ATP6V0A4: variants seen among roughly 807,000 people sequenced by gnomAD.
ATP6V0A4 encodes the protein ATPase H+ transporting V0 subunit a4.
A neutral mutation model predicts 107.3 loss-of-function variants in ATP6V0A4; 86 were observed. The ratio of observed to expected loss-of-function variants is 0.80; its 90% CI spans 0.67 to 0.96. The LOEUF is 0.96. Ranked by LOEUF, ATP6V0A4 falls within the 40% of genes least tolerant of loss-of-function variation. ATP6V0A4 has a pLI of 0.00. For synonymous variants in ATP6V0A4, 353 were observed against 381.4 expected, an observed-to-expected ratio of 0.93 and a Z score of 0.87; for missense variants, 908 against 1,045.6, an observed-to-expected ratio of 0.87 and a Z score of 1.81.
At chr7:138,782,840 C>T (rs532075618) in intron 2 of ATP6V0A4, among the ~76,000 whole-genome samples, 1 of 152,102 alleles carries the variant, frequency 6.6e-6, no homozygotes, top group African/African-American at 2.4e-5. Flanking sequence ...TTTGGGAGGC[C>T]GAGGCAGTTG....
chr7:138,750,425 T>G (rs559955435), intron 11 of ATP6V0A4, among the ~76,000 whole-genome samples: 10 of 152,078 alleles, frequency 6.6e-5, no homozygotes, highest in Admixed American at 2.6e-4. Context: ...AGGCTGGTCT[T>G]GAACTCCTAG....
At chr7:138,732,256 C>T (rs1805058033) in intron 17 of ATP6V0A4, among the ~76,000 whole-genome samples, 1 of 152,232 alleles carries the variant, frequency 6.6e-6, no homozygotes, top group East Asian at 1.9e-4. Context: ...CAGCTGCAAG[C>T]CTAACAATTT....
chr7:138,746,526 T>C (rs776686256), intron 13 of ATP6V0A4, among the ~76,000 whole-genome samples: 4 of 151,556 alleles, frequency 2.6e-5, no homozygotes, highest in Non-Finnish European at 4.4e-5. Context: ...TTTTTTAAGA[T>C]GGAGTCCCTC....
At chr7:138,772,147 G>A (rs1200639048) in intron 2 of ATP6V0A4, among the ~76,000 whole-genome samples, 2 of 152,124 alleles carry the variant, frequency 1.3e-5, no homozygotes, top group Non-Finnish European at 2.9e-5. Flanking sequence ...CAACGTTAAC[G>A]TGTAAATTCT....
chr7:138,769,096 T>G, intron 4 of ATP6V0A4, 77 bp downstream of exon 4: 1 of 1,599,604 alleles, frequency 6.3e-7, no homozygotes, highest in Non-Finnish European at 8.5e-7. Flanking sequence ...CATTTGTTCA[T>G]TAAGTCCTGC....
chr7:138,729,652 C>A (rs1400958100), intron 17 of ATP6V0A4, among the ~76,000 whole-genome samples: 1 of 152,198 alleles, frequency 6.6e-6, no homozygotes, highest in Non-Finnish European at 1.5e-5. Flanking sequence ...TGACTCATAG[C>A]TGCTATGGTC....
intron 18 of ATP6V0A4, among the ~76,000 whole-genome samples, chr7:138,726,526 G>A (rs1008001842): frequency 6.6e-6 from 1 of 152,218 alleles, no homozygotes; most frequent in African/African-American, 2.4e-5. Context: ...CATTCTGCAG[G>A]GACCCAGGTT....
At chr7:138,775,355 A>G (rs900434879) in intron 2 of ATP6V0A4, among the ~76,000 whole-genome samples, 1 of 152,174 alleles carries the variant, frequency 6.6e-6, no homozygotes, top group Admixed American at 6.5e-5. Context: ...TCTAAAAGAT[A>G]AGGATTCTTT....
chr7:138,781,873 T>G (rs1268475182), intron 2 of ATP6V0A4, among the ~76,000 whole-genome samples: 1 of 146,990 alleles, frequency 6.8e-6, no homozygotes, highest in East Asian at 2.0e-4. Flanking sequence ...AGTTTGGGTC[T>G]CACAGTGTTG....
At chr7:138,780,806 G>A (rs1278666257) in intron 2 of ATP6V0A4, among the ~76,000 whole-genome samples, 2 of 152,018 alleles carry the variant, frequency 1.3e-5, no homozygotes, top group Non-Finnish European at 2.9e-5. Context: ...CTTGAAAGCT[G>A]AGGTGAGAGG....
chr7:138,792,883 A>C (rs1808492123), intron 1 of ATP6V0A4, among the ~76,000 whole-genome samples: 1 of 151,598 alleles, frequency 6.6e-6, no homozygotes, highest in East Asian at 1.9e-4. Flanking sequence ...AGGGTTTTAG[A>C]AAAGTTGAAA....
chr7:138,777,336 CG>C (rs1294658771), intron 2 of ATP6V0A4, among the ~76,000 whole-genome samples: 3 of 150,914 alleles, frequency 2.0e-5, no homozygotes, highest in Non-Finnish European at 3.0e-5. Flanking sequence ...ATATTATGGC[CG>C]GGCGCGGTGG....
intron 11 of ATP6V0A4, among the ~76,000 whole-genome samples, chr7:138,751,829 G>C (rs1427735729): frequency 1.3e-5 from 2 of 152,072 alleles, no homozygotes; most frequent in African/African-American, 2.4e-5. Context: ...TGAGGTAACA[G>C]GTGGTATCTA....
At position 138,749,242 on chromosome 7, in the gene ATP6V0A4, T is replaced by C. The variant is rs1460856303; in HGVS notation, c.1105A>G (p.Thr369Ala). 6.2e-7 allele frequency: 1 copy of C among 1,613,668 alleles called. No homozygotes were observed. The highest frequency in any genetic ancestry group is 8.5e-7 in the Non-Finnish European group (1 of 1,179,924). Residue 369 changes from threonine to alanine, a missense_variant, in exon 12 of 22, where the codon ACC becomes GCC. Thr to Ala is a moderately conservative substitution (Grantham distance 58). Coordinates refer to ENST00000310018, the MANE Select transcript of ATP6V0A4 (RefSeq NM_020632.3). ...TGGAAGCCAGCTGTGAATTTATTGGTCCTGTTAAATGTGGGAGGGGCTGTT... is the reference window on the plus strand; with the variant it reads ...TGGAAGCCAGCTGTGAATTTATTGGCCCTGTTAAATGTGGGAGGGGCTGTT... Reference protein sequence around the residue: ...SKTAPPTFNRTNKFTAGFQNI... With the variant: ...SKTAPPTFNRANKFTAGFQNI...
chr7:138,753,572 T>C (rs1283951509), intron 10 of ATP6V0A4, among the ~76,000 whole-genome samples: 1 of 152,216 alleles, frequency 6.6e-6, no homozygotes, highest in African/African-American at 2.4e-5. Flanking sequence ...AATGAAGGAA[T>C]GAATGGACAA....
At chr7:138,720,818 G>A (rs980029367) in intron 19 of ATP6V0A4, among the ~76,000 whole-genome samples, 1 of 151,998 alleles carries the variant, frequency 6.6e-6, no homozygotes, top group Non-Finnish European at 1.5e-5. Flanking sequence ...TGTATATTTA[G>A]TAGAGACAGG....
chr7:138,710,855 G>C (rs1313510817), intron 20 of ATP6V0A4, among the ~76,000 whole-genome samples: 1 of 152,116 alleles, frequency 6.6e-6, no homozygotes, highest in East Asian at 1.9e-4. Flanking sequence ...CGTAGTTTCA[G>C]GGGATTTACA....
chr7:138,769,275 T>G, intron 3 of ATP6V0A4, 24 bp from the exon 4 acceptor site: 1 of 1,606,032 alleles, frequency 6.2e-7, no homozygotes, highest in Non-Finnish European at 8.5e-7. Flanking sequence ...AATCACAAGA[T>G]ACATGTTAGT....
At chr7:138,772,209 C>T (rs1807428690) in intron 2 of ATP6V0A4, among the ~76,000 whole-genome samples, 1 of 152,158 alleles carries the variant, frequency 6.6e-6, no homozygotes, top group Non-Finnish European at 1.5e-5. Flanking sequence ...TCTTATATCC[C>T]TCATACCCAC....
Sources: gnomAD v4.1 joint callset for allele counts (sites outside exome capture counted in the v4.1 genomes callset) on GRCh38, gnomAD v4.1.1 for gene constraint, MANE v1.5 for transcripts, NCBI Gene and HGNC (gene_info 2026-07-23, HGNC 2026-07-21) for gene names.